FAM171B: variants seen among roughly 807,000 people sequenced by gnomAD.
FAM171B encodes the protein protein FAM171B.
A neutral mutation model predicts 75.6 loss-of-function variants in FAM171B; 19 were observed. That is an observed-to-expected ratio of 0.25 (90% CI 0.18 to 0.37). The LOEUF (loss-of-function observed/expected upper bound fraction) is 0.37. Among genes scored for constraint, FAM171B ranks in the 10% least tolerant of loss-of-function variants. The pLI, the probability that FAM171B is intolerant of heterozygous loss-of-function variation, is 1.00. For missense variants in FAM171B, 848 were observed against 982.4 expected (o/e 0.86, Z 1.83); for synonymous variants, 367 against 361.7 (o/e 1.01, Z -0.17).
intron 1 of FAM171B, among the ~76,000 whole-genome samples, chr2:186,708,683 A>G (rs922667669): frequency 6.6e-6 from 1 of 152,208 alleles, no homozygotes; most frequent in Non-Finnish European, 1.5e-5. Flanking sequence ...TTCTGTGGCA[A>G]TAATAAAGTG....
intron 1 of FAM171B, among the ~76,000 whole-genome samples, chr2:186,735,814 C>G (rs1261166987): frequency 1.3e-5 from 2 of 152,154 alleles, no homozygotes; most frequent in African/African-American, 4.8e-5. Context: ...TAACAAAATA[C>G]TATTAATGGG....
At chr2:186,743,314 C>G (rs950967747) in intron 2 of FAM171B, among the ~76,000 whole-genome samples, 169 bp from the exon 3 acceptor site, 2 of 151,882 alleles carry the variant, frequency 1.3e-5, no homozygotes, top group Admixed American at 1.3e-4. Flanking sequence ...CTTTTTTCCT[C>G]CATCATATTT....
chr2:186,762,270 T>C lies in FAM171B; in HGVS notation c.1928T>C (p.Met643Thr). The part of the protein sequence containing the change: ...VPGTLNEAVV[M>T]TPFSSELQGI... ...GGAACACTAAATGAGGCTGTTGTAA[T>C]GACTCCATTTTCATCGGAACTTCAA... The change falls in exon 8 of 8, where the codon ATG (methionine) becomes ACG (threonine). Residue 643 changes from methionine to threonine, a missense_variant. By Grantham distance (81) the Met-to-Thr change is moderately conservative. Coordinates refer to ENST00000304698, the MANE Select transcript of FAM171B (RefSeq NM_177454.4). This position sits in a 1 kb window ranked among gnomAD's most constrained non-coding sequence, Gnocchi z 4.0. 1 of 1,613,704 alleles carries C rather than the reference T, an allele frequency of 6.2e-7. No homozygotes were observed. Among genetic ancestry groups the C allele is most frequent in the Non-Finnish European group, 8.5e-7 (1 of 1,179,774 alleles).
In FAM171B at chr2:186,694,206, C is replaced by A. The variant is rs373689079; in HGVS notation, c.33C>A (p.Thr11=). MARLCRRVPC[T]LLLGLAVVLL... is the part of the protein sequence containing the mutation. ...GGCTCTGCCGGCGTGTCCCCTGCAC[C>A]CTGCTTCTCGGCCTGGCCGTGGTGC... Residue 11 remains threonine, a synonymous_variant, in exon 1 of 8, where the codon ACC becomes ACA. Transcript: ENST00000304698. The A allele has an allele frequency of 4.7e-5, 76 of 1,607,324 alleles. No individual in the cohort carries two copies. Among genetic ancestry groups the A allele is most frequent in the Non-Finnish European group, 6.0e-5 (71 of 1,179,704 alleles).
intron 1 of FAM171B, among the ~76,000 whole-genome samples, chr2:186,704,198 T>C (rs1261324167): frequency 6.6e-6 from 1 of 152,190 alleles, no homozygotes; most frequent in Non-Finnish European, 1.5e-5. Flanking sequence ...TTAATACTTC[T>C]AAAAATTTCA....
rs1244478080 is a variant in FAM171B, at chr2:186,740,433, T to C, written c.444T>C (p.Pro148=). The C allele has an allele frequency of 6.2e-7, 1 of 1,612,650 alleles. No individual in the cohort carries two copies. Among genetic ancestry groups the C allele is most frequent in the East Asian group, 2.2e-5 (1 of 44,854 alleles). ...IAYKDGYVLT[P]LPWKTRRMPI... is the part of the protein sequence containing the mutation. ...ACAAAGATGGCTACGTGTTGACCCCTCTGCCTTGGAAAACCAGAAGAATGC... is the reference window on the plus strand; with the variant it reads ...ACAAAGATGGCTACGTGTTGACCCCCCTGCCTTGGAAAACCAGAAGAATGC... Residue 148 remains proline, a synonymous_variant, in exon 2 of 8, where the codon CCT becomes CCC. Coordinates refer to ENST00000304698, the MANE Select transcript of FAM171B (RefSeq NM_177454.4).
At chr2:186,722,385 C>G (rs1031959569) in intron 1 of FAM171B, among the ~76,000 whole-genome samples, 1 of 152,034 alleles carries the variant, frequency 6.6e-6, no homozygotes, top group Non-Finnish European at 1.5e-5. Flanking sequence ...CACACTGTTT[C>G]TTTTCGGCAT....
At chr2:186,722,645 G>A (rs773190501) in intron 1 of FAM171B, among the ~76,000 whole-genome samples, 70 of 152,182 alleles carry the variant, frequency 4.6e-4, no homozygotes, top group Admixed American at 1.7e-3. Context: ...GCAGGATAGA[G>A]AGGACTGGGT....
intron 1 of FAM171B, among the ~76,000 whole-genome samples, chr2:186,711,715 A>C (rs1689811413): frequency 6.6e-6 from 1 of 152,084 alleles, no homozygotes; most frequent in South Asian, 2.1e-4. Context: ...GTCTTAACTA[A>C]CTCTATATGT....
chr2:186,725,188 C>CA, intron 1 of FAM171B, among the ~76,000 whole-genome samples: 1 of 151,322 alleles, frequency 6.6e-6, no homozygotes, highest in Non-Finnish European at 1.5e-5. Context: ...ACTAAAAATA[C>CA]AAAAAATTAG....
rs1185295517 is a variant in FAM171B at position 186,762,631 on chromosome 2, C to A, written c.2289C>A (p.Ile763=). 1 of 1,613,130 alleles carries A rather than the reference C, an allele frequency of 6.2e-7. No individual in the cohort carries two copies. Among genetic ancestry groups the A allele is most frequent in the African/African-American group, 1.3e-5 (1 of 74,762 alleles). The change falls in exon 8 of 8, where the codon ATC becomes ATA. Residue 763 remains isoleucine (I), a synonymous_variant. Coordinates refer to ENST00000304698, the MANE Select transcript of FAM171B (RefSeq NM_177454.4). This position sits in a 1 kb window ranked among gnomAD's most constrained non-coding sequence, Gnocchi z 4.0. ...CTGAGGACCCAGCTTTAAGGCACAT[C>A]CTAGATGGAGGGAGTGGAGTGATCA... ...CSPEDPALRH[I]LDGGSGVIME...
At chr2:186,726,605 C>T (rs1278794594) in intron 1 of FAM171B, among the ~76,000 whole-genome samples, 2 of 151,986 alleles carry the variant, frequency 1.3e-5, no homozygotes, top group East Asian at 1.9e-4. Context: ...GAGAAAGACT[C>T]GTAAAACTAC....
At chr2:186,757,905 C>T (rs1690555948) in intron 6 of FAM171B, among the ~76,000 whole-genome samples, 1 of 152,136 alleles carries the variant, frequency 6.6e-6, no homozygotes, top group Admixed American at 6.6e-5. Context: ...CTCATTTATG[C>T]CTAGTTATAA....
At position 186,761,513 on chromosome 2, in the gene FAM171B, A is replaced by C; in HGVS notation, c.1171A>C (p.Asn391His). The C allele has an allele frequency of 6.3e-7, 1 of 1,586,074 alleles. No homozygotes were observed. The change falls in exon 8 of 8, where the codon AAT (asparagine) becomes CAT (histidine). Residue 391 changes from asparagine (N) to histidine (H), a missense_variant. Transcript: ENST00000304698. Reference protein sequence around the residue: ...KCGTPQKRERNITKLEVLKRD... With the variant: ...KCGTPQKRERHITKLEVLKRD... ...TGGTACTCCACAGAAAAGAGAAAGA[A>C]ATATCACTAAACTTGAGGTCCTCAA...
chr2:186,755,209 C>T (rs953895908), intron 6 of FAM171B, among the ~76,000 whole-genome samples: 9 of 152,248 alleles, frequency 5.9e-5, no homozygotes, highest in Non-Finnish European at 1.2e-4. Context: ...GCACTGTCAG[C>T]CTGCTACCAC....
chr2:186,764,310 G>A lies in FAM171B; in HGVS notation c.*1487G>A, dbSNP rs1397015618. The A allele has an allele frequency of 1.3e-5, 2 of 151,894 alleles. No individual in the cohort carries two copies. Among genetic ancestry groups the A allele is most frequent in the African/African-American group, 4.8e-5 (2 of 41,394 alleles). 9.4% of individuals were successfully genotyped at this position (151,894 alleles called of 1,614,324 possible). On this transcript the variant is annotated 3_prime_UTR_variant, in exon 8 of 8. Coordinates refer to ENST00000304698, the MANE Select transcript of FAM171B (RefSeq NM_177454.4). Reference sequence around the variant, plus strand: ...ATTAGCTTCAGTAAAATTATAGCTAGATGTGCAATTTTTTCCTCCAACTTC... The same window carrying A: ...ATTAGCTTCAGTAAAATTATAGCTAAATGTGCAATTTTTTCCTCCAACTTC...
At chr2:186,700,622 G>A (rs973859196) in intron 1 of FAM171B, among the ~76,000 whole-genome samples, 2 of 152,122 alleles carry the variant, frequency 1.3e-5, no homozygotes, top group African/African-American at 4.8e-5. Flanking sequence ...CCACAGATCA[G>A]TTTATTGATT....
At chr2:186,721,578 C>T (rs1377366577) in intron 1 of FAM171B, among the ~76,000 whole-genome samples, 2 of 152,104 alleles carry the variant, frequency 1.3e-5, no homozygotes, top group Non-Finnish European at 2.9e-5. Flanking sequence ...TCATAAATGA[C>T]TGATTTCTTG....
intron 1 of FAM171B, among the ~76,000 whole-genome samples, chr2:186,706,969 A>G (rs1255284345): frequency 7.9e-5 from 12 of 152,116 alleles, no homozygotes; most frequent in Admixed American, 7.2e-4. Context: ...ATGAAAGTGG[A>G]AACAAAATTT....
Sources: allele counts gnomAD v4.1 joint callset (sites outside exome capture counted in the v4.1 genomes callset), GRCh38; gene constraint gnomAD v4.1.1; non-coding constraint Gnocchi (gnomAD v3.1); transcripts MANE v1.5; gene names NCBI Gene and HGNC (gene_info 2026-07-23, HGNC 2026-07-21).